VCL: variants seen among roughly 807,000 people sequenced by gnomAD.
VCL encodes epididymis luminal protein 114.
Under a neutral mutation model 125.7 loss-of-function variants are expected in VCL, and 47 were observed. That is an observed-to-expected ratio of 0.37 (90% CI 0.30 to 0.48). The LOEUF is 0.48. Among genes scored for constraint, VCL ranks in the 20% least tolerant of loss-of-function variants. The pLI, the probability that VCL is intolerant of heterozygous loss-of-function variation, is 0.99. For missense variants in VCL, 1,069 were observed against 1,455.5 expected (o/e 0.73, Z 4.32); for synonymous variants, 458 against 514.6 (o/e 0.89, Z 1.49).
intron 1 of VCL, among the ~76,000 whole-genome samples, chr10:74,017,172 C>T (rs1030229685): frequency 6.7e-6 from 1 of 148,670 alleles, no homozygotes; most frequent in Non-Finnish European, 1.5e-5. Context: ...CTCAGCCTCC[C>T]AAGTAGCTGG....
chr10:74,059,447 A>G (rs945328989), intron 2 of VCL, among the ~76,000 whole-genome samples: 5 of 151,338 alleles, frequency 3.3e-5, no homozygotes, highest in Non-Finnish European at 7.4e-5. Flanking sequence ...CCCTGTCACG[A>G]AGGCTGTAGT....
At chr10:74,029,209 G>A (rs900425088) in intron 1 of VCL, among the ~76,000 whole-genome samples, 1 of 152,002 alleles carries the variant, frequency 6.6e-6, no homozygotes, top group African/African-American at 2.4e-5. Context: ...CGCCTCCTGG[G>A]TTCATGCCAT....
intron 2 of VCL, among the ~76,000 whole-genome samples, chr10:74,046,865 C>T (rs943392734): frequency 2.0e-5 from 3 of 152,190 alleles, no homozygotes; most frequent in African/African-American, 7.2e-5. Context: ...TGTGCTTTCA[C>T]AGACTTCTTT....
intron 15 of VCL, chr10:74,104,800 G>T (rs1301748937): frequency 5.7e-6 from 3 of 521,972 alleles, no homozygotes; most frequent in Admixed American, 6.4e-5. Flanking sequence ...GTCTGGGGTG[G>T]ATACAAGAAG....
At chr10:74,117,213 T>TG (rs1840323848) in intron 21 of VCL, among the ~76,000 whole-genome samples, 1 of 152,154 alleles carries the variant, frequency 6.6e-6, no homozygotes, top group Non-Finnish European at 1.5e-5. Flanking sequence ...TCCTAAATAC[T>TG]GGGGGTATGA....
chr10:74,025,390 G>A (rs534549504), intron 1 of VCL, among the ~76,000 whole-genome samples: 1 of 151,958 alleles, frequency 6.6e-6, no homozygotes, highest in Admixed American at 6.6e-5. Context: ...GAGGTGGGAG[G>A]ATTGCTTGAG....
chr10:74,036,729 C>A (rs186890455), intron 1 of VCL, among the ~76,000 whole-genome samples: 39 of 151,416 alleles, frequency 2.6e-4, no homozygotes, highest in Non-Finnish European at 4.6e-4. Context: ...AAAAAAGAAG[C>A]ATTTGTTGAT....
intron 14 of VCL, among the ~76,000 whole-genome samples, chr10:74,101,323 C>CAA (rs946868220): frequency 1.4e-5 from 2 of 139,220 alleles, no homozygotes; most frequent in African/African-American, 2.6e-5. Flanking sequence ...CCGACTCTAC[C>CAA]AAAAAAAAAA....
In VCL at chr10:74,109,079, G is replaced by A; in HGVS notation, c.2668G>A (p.Ala890Thr). 6.2e-7 allele frequency: 1 copy of A among 1,614,150 alleles called. No individual in the cohort carries two copies. The highest frequency in any genetic ancestry group is 8.5e-7 in the Non-Finnish European group (1 of 1,180,026). ...GGATGAAGAGTTCCCTGAGCAGAAG[G>A]CCGGGGAGGTGATTAACCAGCCAAT... ...EKDEEFPEQKAGEVINQPMMM... is the reference protein window; with the variant it reads ...EKDEEFPEQKTGEVINQPMMM... Residue 890 changes from alanine (A) to threonine (T), a missense_variant, in exon 18 of 22, where the codon GCC (alanine) becomes ACC (threonine). Physicochemically the swap from Ala to Thr is moderately conservative, Grantham distance 58 (BLOSUM62 0). This residue lies in a region of VCL where 28 missense variants were observed against 65.1 expected (regional missense o/e 0.43). Transcript: ENST00000211998.
intron 1 of VCL, among the ~76,000 whole-genome samples, chr10:74,033,883 C>T (rs911507430): frequency 1.3e-5 from 2 of 152,178 alleles, no homozygotes; most frequent in South Asian, 2.1e-4. Flanking sequence ...ATTTCTGTCT[C>T]ACCCTCCACA....
intron 2 of VCL, among the ~76,000 whole-genome samples, chr10:74,060,937 G>A (rs893567986): frequency 1.3e-5 from 2 of 152,038 alleles, no homozygotes; most frequent in Non-Finnish European, 2.9e-5. Flanking sequence ...GATCCCATAA[G>A]GCTGTCATTG....
intron 1 of VCL, among the ~76,000 whole-genome samples, chr10:74,018,358 G>A (rs1840600665): frequency 6.6e-6 from 1 of 151,802 alleles, no homozygotes; most frequent in African/African-American, 2.4e-5. Flanking sequence ...GTGCCCAGCT[G>A]GAATGTAAGC....
chr10:74,009,380 T>C (rs897601222), intron 1 of VCL, among the ~76,000 whole-genome samples: 4 of 152,082 alleles, frequency 2.6e-5, no homozygotes, highest in South Asian at 2.1e-4. Flanking sequence ...CACCTCAGCC[T>C]CCCGAGTAGC....
At chr10:74,085,862 T>G (rs1469901198) in intron 8 of VCL, among the ~76,000 whole-genome samples, 1 of 152,098 alleles carries the variant, frequency 6.6e-6, no homozygotes, top group East Asian at 1.9e-4. Flanking sequence ...TTTATTTTTA[T>G]TTTATTTTAT....
At chr10:74,054,592 A>G (rs916244126) in intron 2 of VCL, among the ~76,000 whole-genome samples, 2 of 152,112 alleles carry the variant, frequency 1.3e-5, no homozygotes, top group Admixed American at 6.5e-5. Flanking sequence ...GTGATTGCCT[A>G]CTTTTTTTCA....
intron 1 of VCL, among the ~76,000 whole-genome samples, chr10:74,025,950 T>C (rs1840763985): frequency 6.6e-6 from 1 of 152,112 alleles, no homozygotes. Context: ...ACCAGTTCCA[T>C]GATGAAATGC....
intron 1 of VCL, among the ~76,000 whole-genome samples, chr10:74,029,200 G>A (rs1039324851): frequency 2.6e-5 from 4 of 151,586 alleles, no homozygotes; most frequent in East Asian, 1.9e-4. Flanking sequence ...TGCAAGCTCC[G>A]CCTCCTGGGT....
intron 2 of VCL, among the ~76,000 whole-genome samples, chr10:74,047,710 A>C (rs1347038659): frequency 1.3e-5 from 2 of 152,232 alleles, no homozygotes; most frequent in African/African-American, 4.8e-5. Context: ...AAGCTATCTG[A>C]TATATATTTA....
chr10:74,034,197 T>C (rs186197375), intron 1 of VCL, among the ~76,000 whole-genome samples: 327 of 152,362 alleles, frequency 2.1e-3, no homozygotes, highest in Admixed American at 3.7e-3. Flanking sequence ...ACAATGTCTT[T>C]TACTTAGAAT....
Sources: gnomAD v4.1 joint callset for allele counts (sites outside exome capture counted in the v4.1 genomes callset) on GRCh38, gnomAD v4.1.1 for gene constraint, gnomAD v4.1.1 regional missense constraint, MANE v1.5 for transcripts, NCBI Gene and HGNC (gene_info 2026-07-23, HGNC 2026-07-21) for gene names.